Variants in GANC observed in about 807,000 individuals in gnomAD.
The protein encoded by GANC is neutral alpha-glucosidase C.
GANC carries 117 observed loss-of-function variants against 124.2 expected under a neutral mutation model. The ratio of observed to expected loss-of-function variants is 0.94; its 90% CI spans 0.81 to 1.10. The LOEUF is 1.10. GANC is among the 50% of genes least tolerant of loss of function. The pLI is 0.00. For synonymous variants in GANC, 377 were observed against 376.8 expected, an observed-to-expected ratio of 1.00 and a Z score of -0.01; for missense variants, 1,140 against 1,095.0, an observed-to-expected ratio of 1.04 and a Z score of -0.58.
At chr15:42,338,807 G>A (rs933966853) in intron 16 of GANC, among the ~76,000 whole-genome samples, 1 of 151,976 alleles carries the variant, frequency 6.6e-6, no homozygotes, top group Non-Finnish European at 1.5e-5. Flanking sequence ...TTTTCTTCTT[G>A]AAAGTGAGAA....
At chr15:42,275,109 C>T (rs1459292971) in intron 1 of GANC, among the ~76,000 whole-genome samples, 2 of 152,176 alleles carry the variant, frequency 1.3e-5, no homozygotes, top group African/African-American at 4.8e-5. Context: ...CCGGTTCGCT[C>T]ATGCCTGTAA....
At chr15:42,301,028 A>AAAAAG (rs1555413161) in intron 6 of GANC, among the ~76,000 whole-genome samples, 20 of 151,012 alleles carry the variant, frequency 1.3e-4, no homozygotes, top group Admixed American at 5.3e-4. Context: ...CAAAAAAAAA[A>AAAAAG]AAAGAAAGAA....
In GANC at chr15:42,308,290, G is replaced by C; in HGVS notation, c.694G>C (p.Ala232Pro). 1 of 1,608,672 alleles carries C rather than the reference G, an allele frequency of 6.2e-7. No homozygotes were observed. The highest frequency in any genetic ancestry group is 8.5e-7 in the Non-Finnish European group (1 of 1,175,864). Reference protein sequence around the residue: ...FEHLYGIPQHAESHQLKNTGD... With the variant: ...FEHLYGIPQHPESHQLKNTGD... ...GCATCTTTATGGGATCCCACAACAT[G>C]CAGAATCACACCAACTTAAAAATAC... is the stretch of plus-strand genomic sequence containing the variant. The change falls in exon 8 of 24, where the codon GCA (alanine) becomes CCA (proline). Residue 232 changes from alanine (A) to proline (P), a missense_variant. By Grantham distance (27) the Ala-to-Pro change is conservative. Transcript: ENST00000318010.
In GANC at chr15:42,273,513, C is replaced by T. The variant is rs752596908; in HGVS notation, c.-969C>T. On this transcript the variant is annotated 5_prime_UTR_variant, in exon 1 of 24. Transcript: ENST00000318010. ...TCCGGGTCCTGGAAACGTCGCGGAG[C>T]TTGTTTGCTGTGCGGCGTAGCGGCC... The T allele has an allele frequency of 3.0e-5, 45 of 1,507,444 alleles. No homozygotes were observed. The highest frequency in any genetic ancestry group is 3.7e-5 in the Non-Finnish European group (42 of 1,128,660). The allele number at this position is 1,507,444 out of a possible 1,614,324, so 93.4% of individuals were successfully genotyped here.
At chr15:42,343,629 C>G (rs1726089678) in intron 19 of GANC, among the ~76,000 whole-genome samples, 1 of 152,250 alleles carries the variant, frequency 6.6e-6, no homozygotes, top group Non-Finnish European at 1.5e-5. Context: ...TTCCTCTGCT[C>G]TTTTATTAGT....
intron 13 of GANC, among the ~76,000 whole-genome samples, chr15:42,328,619 G>A (rs1171158392): frequency 6.6e-6 from 1 of 152,062 alleles, no homozygotes; most frequent in Admixed American, 6.6e-5. Context: ...CTCTGCGAGG[G>A]GAATGTTATA....
At chr15:42,286,122 G>T (rs886476753) in intron 3 of GANC, among the ~76,000 whole-genome samples, 1 of 151,608 alleles carries the variant, frequency 6.6e-6, no homozygotes, top group African/African-American at 2.4e-5. Context: ...TATGCCCCCT[G>T]CTTAGGAAGT....
intron 3 of GANC, chr15:42,280,886 T>C (rs998575261): frequency 1.2e-5 from 8 of 693,274 alleles, no homozygotes; most frequent in Non-Finnish European, 1.8e-5. Flanking sequence ...TCTTTTTGGA[T>C]CCTGAAAAAG....
At chr15:42,345,345 CTTT>C (rs2052355493) in intron 19 of GANC, among the ~76,000 whole-genome samples, 1 of 151,556 alleles carries the variant, frequency 6.6e-6, no homozygotes, top group African/African-American at 2.4e-5. Flanking sequence ...TGCTTGTCTT[CTTT>C]GTTGTTTTTT....
chr15:42,340,002 TC>T, intron 17 of GANC, 90 bp downstream of exon 17: 6 of 1,460,038 alleles, frequency 4.1e-6, no homozygotes, highest in Non-Finnish European at 9.3e-7. Flanking sequence ...TACAGTGATT[TC>T]AAGAGAAAGG....
In GANC at chr15:42,326,380, T is replaced by C; in HGVS notation, c.1376T>C (p.Val459Ala). Reference protein sequence around the residue: ...YVKAKDQGFFVKNQEGEDFEG... With the variant: ...YVKAKDQGFFAKNQEGEDFEG... The stretch of plus-strand genomic sequence containing the variant: ...AAGGCCAAAGATCAGGGCTTCTTTG[T>C]GAAGAATCAGGAAGGGGAAGACTTT... The change falls in exon 12 of 24, where the codon GTG becomes GCG. Residue 459 changes from valine (V) to alanine (A), a missense_variant. Physicochemically the swap from Val to Ala is moderately conservative, Grantham distance 64. Coordinates refer to ENST00000318010, the MANE Select transcript of GANC (RefSeq NM_198141.3). 1.9e-6 allele frequency: 3 copies of C among 1,614,112 alleles called. No homozygotes were observed.
At chr15:42,284,092 A>G (rs1216739464) in intron 3 of GANC, 1 of 665,070 alleles carries the variant, frequency 1.5e-6, no homozygotes, top group Non-Finnish European at 2.7e-6. Context: ...TTAGGTTAAC[A>G]GTTCTTTACA....
At chr15:42,290,940 G>A (rs2051834746) in intron 4 of GANC, among the ~76,000 whole-genome samples, 1 of 152,120 alleles carries the variant, frequency 6.6e-6, no homozygotes, top group African/African-American at 2.4e-5. Context: ...TATAAAGGCA[G>A]GTGAAGCTGA....
In GANC at chr15:42,352,587, C is replaced by G; in HGVS notation, c.*448C>G. 2 of 1,010,082 alleles carry G rather than the reference C, an allele frequency of 2.0e-6. No individual in the cohort carries two copies. The highest frequency in any genetic ancestry group is 2.4e-6 in the Non-Finnish European group (2 of 843,546). The allele number at this position is 1,010,082 out of a possible 1,614,324, so 62.6% of individuals were successfully genotyped here. A position where few individuals can be genotyped will look rare whatever the true frequency, so the allele number is the denominator to read the frequency against. ...AGTGGACAGCAGCCTCTGGTACTCCCCCCAGTTATCTTCCACCCACATGGA... is the reference window on the plus strand; with the variant it reads ...AGTGGACAGCAGCCTCTGGTACTCCGCCCAGTTATCTTCCACCCACATGGA... On this transcript the variant is annotated 3_prime_UTR_variant, in exon 24 of 24. Transcript: ENST00000318010.
At chr15:42,310,235 TTAA>T (rs778107670) in intron 8 of GANC, 45 bp from the exon 9 acceptor site, 1 of 1,349,428 alleles carries the variant, frequency 7.4e-7, no homozygotes, top group Non-Finnish European at 1.0e-6. Context: ...TTTATTAATA[TTAA>T]TAATATATTT....
intron 14 of GANC, 37 bp downstream of exon 14, chr15:42,329,486 G>A: frequency 6.3e-7 from 1 of 1,576,482 alleles, no homozygotes; most frequent in Non-Finnish European, 8.6e-7. Context: ...GGGCTTGTGT[G>A]ACCCACCTTT....
chr15:42,287,751 G>T lies in GANC; in HGVS notation c.262G>T (p.Glu88Ter). Residue 88 changes from glutamate (E) to a stop codon, truncating the protein, a stop_gained, in exon 4 of 24, where the codon GAA becomes TAA. Coordinates refer to ENST00000318010, the MANE Select transcript of GANC (RefSeq NM_198141.3). LOFTEE classifies it high-confidence loss of function. ...EGNIFRLKIN[E>*]ETPLKPRFEV... ...AAACATTTTCAGGCTTAAAATTAAT[G>T]AAGAGACTCCTCTAAAACCCAGATT... is the stretch of plus-strand genomic sequence containing the variant. 1 of 1,613,028 alleles carries T rather than the reference G, an allele frequency of 6.2e-7. No homozygotes were observed. The highest frequency in any genetic ancestry group is 8.5e-7 in the Non-Finnish European group (1 of 1,179,342).
rs185638248 is a variant in GANC, at chr15:42,294,001, C to T, written c.512+1084C>T. Among the ~76,000 whole-genome samples, 311 of 151,430 alleles carry T rather than the reference C, an allele frequency of 2.1e-3. 11 individuals are homozygous for T. The highest frequency in any genetic ancestry group is 6.6e-3 in the African/African-American group (268 of 40,854). ...AGGAGGTCAAGACTGCAGTGAGCTG[C>T]GACTGTGGCACTGCACTCCAGCCTG... On this transcript the variant is annotated intron_variant, in intron 5 of 23. Coordinates refer to ENST00000318010, the MANE Select transcript of GANC (RefSeq NM_198141.3).
At chr15:42,330,725 A>G in intron 15 of GANC, 53 bp downstream of exon 15, 1 of 1,206,810 alleles carries the variant, frequency 8.3e-7, no homozygotes, top group African/African-American at 1.6e-5. Flanking sequence ...TTTTTTTTTA[A>G]CCATTTATAG....
Sources: gnomAD v4.1 joint callset for allele counts (sites outside exome capture counted in the v4.1 genomes callset) on GRCh38, gnomAD v4.1.1 for gene constraint, MANE v1.5 for transcripts, NCBI Gene and HGNC (gene_info 2026-07-23, HGNC 2026-07-21) for gene names.